IL36B: variants seen among roughly 807,000 people sequenced by gnomAD.
IL36B encodes the protein interleukin-36 beta.
IL36B carries 23 observed loss-of-function variants against 19.3 expected under a neutral mutation model. The ratio of observed to expected loss-of-function variants is 1.19; its 90% CI spans 0.86 to 1.69. The LOEUF is 1.69. IL36B is among the 40% of genes most tolerant of loss of function. IL36B has a pLI of 0.00. For missense variants in IL36B, 217 were observed against 200.5 expected (o/e 1.08, Z -0.50); for synonymous variants, 59 against 59.7 (o/e 0.99, Z 0.05).
At chr2:113,047,395 T>TGGATTTTGAAAGATTTC (rs1409269895) in intron 1 of IL36B, among the ~76,000 whole-genome samples, 1 of 152,058 alleles carries the variant, frequency 6.6e-6, no homozygotes, top group Non-Finnish European at 1.5e-5. Context: ...CAAAAAGTTT[T>TGGATTTTGAAAGATTTC]GGATTTTGAA....
intron 4 of IL36B, chr2:113,027,496 T>C: frequency 9.8e-7 from 1 of 1,025,286 alleles, no homozygotes; most frequent in Non-Finnish European, 1.2e-6. Context: ...GCTTTATCTT[T>C]GGGGCACATA....
At chr2:113,043,453 T>A (rs546257184) in intron 1 of IL36B, among the ~76,000 whole-genome samples, 1 of 152,372 alleles carries the variant, frequency 6.6e-6, no homozygotes, top group Admixed American at 6.5e-5. Context: ...TATTTTTCCA[T>A]ATGCTGCAAG....
At chr2:113,028,188 G>T in intron 4 of IL36B, 73 bp from the exon 5 acceptor site, 1 of 1,218,818 alleles carries the variant, frequency 8.2e-7, no homozygotes, top group Non-Finnish European at 1.2e-6. Flanking sequence ...CTCTGAGTGT[G>T]TAACAGGAGA....
At chr2:113,028,787 A>G in intron 4 of IL36B, 152 bp downstream of exon 4, 1 of 676,066 alleles carries the variant, frequency 1.5e-6, no homozygotes, top group Non-Finnish European at 2.3e-6. Context: ...CAAAGGCAGC[A>G]TTTATAGATT....
At chr2:113,047,633 G>T (rs2105057723) in intron 1 of IL36B, among the ~76,000 whole-genome samples, 1 of 152,302 alleles carries the variant, frequency 6.6e-6, no homozygotes, top group South Asian at 2.1e-4. Context: ...CCTTGGGAAT[G>T]ATAAGGTTTT....
intron 1 of IL36B, among the ~76,000 whole-genome samples, chr2:113,040,640 A>G (rs931462500): frequency 3.3e-5 from 5 of 152,250 alleles, no homozygotes; most frequent in Non-Finnish European, 7.3e-5. Context: ...CCATTTACAT[A>G]GCATCAAAAA....
In IL36B at chr2:113,022,438, A is replaced by G. The variant is rs1049713249; in HGVS notation, c.*236T>C. The stretch of plus-strand genomic sequence containing the variant: ...TTTTAAAAAACACTCTAAGGACTGG[A>G]CAAAACACATTTACAGGTTATGTAG... On this transcript the variant is annotated 3_prime_UTR_variant, in exon 6 of 6. Coordinates refer to ENST00000259213, the MANE Select transcript of IL36B (RefSeq NM_014438.5). 2.7e-6 allele frequency: 1 copy of G among 368,938 alleles called. No individual in the cohort carries two copies. The highest frequency in any genetic ancestry group is 3.7e-5 in the South Asian group (1 of 27,238). 22.9% of individuals were successfully genotyped at this position (368,938 alleles called of 1,614,324 possible).
At chr2:113,031,996 G>A (rs962483370) in intron 1 of IL36B, among the ~76,000 whole-genome samples, 1 of 152,132 alleles carries the variant, frequency 6.6e-6, no homozygotes, top group Non-Finnish European at 1.5e-5. Context: ...TCTCTAGGCT[G>A]TGATGGTCTT....
chr2:113,042,223 C>T (rs533375316), intron 1 of IL36B, among the ~76,000 whole-genome samples: 5 of 152,240 alleles, frequency 3.3e-5, no homozygotes, highest in African/African-American at 7.2e-5. Flanking sequence ...CTTGCCTTTC[C>T]GAGCTTCTCA....
intron 5 of IL36B, chr2:113,026,069 A>C: frequency 1.2e-6 from 2 of 1,608,394 alleles, no homozygotes; most frequent in Non-Finnish European, 1.7e-6. Context: ...AGAATTGTCC[A>C]CCTGTGGGAT....
In IL36B at chr2:113,026,241, G is replaced by A. The variant is rs1233793022; in HGVS notation, c.262-9C>T. The A allele has an allele frequency of 6.2e-6, 10 of 1,613,498 alleles. No homozygotes were observed. Among genetic ancestry groups the A allele is most frequent in the Middle Eastern group, 1.7e-4 (1 of 6,056 alleles). On this transcript the variant is annotated splice_polypyrimidine_tract_variant and intron_variant, in intron 4 of 5. Coordinates refer to ENST00000259213, the MANE Select transcript of IL36B (RefSeq NM_014438.5). Reference sequence around the variant, plus strand: ...TCTTGGGAGCCCTGAAGCTGGAAGAGAGAAATGTTCAATGTTGCTGAGATA... The same window carrying A: ...TCTTGGGAGCCCTGAAGCTGGAAGAAAGAAATGTTCAATGTTGCTGAGATA...
At chr2:113,043,823 G>A (rs1046216462) in intron 1 of IL36B, among the ~76,000 whole-genome samples, 4 of 152,166 alleles carry the variant, frequency 2.6e-5, no homozygotes, top group Non-Finnish European at 1.5e-5. Flanking sequence ...CAAAGTGCTG[G>A]AATTACAGGT....
Position 113,022,242 on chromosome 2 carries a change from C to T in IL36B, c.*432G>A, listed in dbSNP as rs910161544. ...CCTCATGCTCTAGTGAATAATTGCA[C>T]ATTATGTAAATAATTTTGAATAATT... On this transcript the variant is annotated 3_prime_UTR_variant, in exon 6 of 6. Coordinates refer to ENST00000259213, the MANE Select transcript of IL36B (RefSeq NM_014438.5). 6.5e-6 allele frequency: 1 copy of T among 154,220 alleles called. No homozygotes were observed. Among genetic ancestry groups the T allele is most frequent in the Non-Finnish European group, 1.4e-5 (1 of 69,534 alleles). 9.6% of individuals were successfully genotyped at this position (154,220 alleles called of 1,614,324 possible).
At chr2:113,046,422 T>G (rs13386044) in intron 1 of IL36B, among the ~76,000 whole-genome samples, 11,413 of 152,074 alleles carry the variant, frequency 0.075, 920 homozygotes, top group African/African-American at 0.21. Flanking sequence ...TGTTAGCCAG[T>G]ATGGTCTCGA....
At chr2:113,036,738 G>A (rs972659475) in intron 1 of IL36B, among the ~76,000 whole-genome samples, 4 of 150,560 alleles carry the variant, frequency 2.7e-5, no homozygotes, top group Admixed American at 6.6e-5. Context: ...TGCCCAGAGC[G>A]CCTTATCCTG....
intron 2 of IL36B, among the ~76,000 whole-genome samples, 155 bp downstream of exon 2, chr2:113,031,542 G>A (rs916889886): frequency 6.6e-6 from 1 of 152,098 alleles, no homozygotes; most frequent in Non-Finnish European, 1.5e-5. Flanking sequence ...AGAGCTAGGT[G>A]CCCCGAGATT....
At chr2:113,046,557 G>A (rs1685355605) in intron 1 of IL36B, among the ~76,000 whole-genome samples, 1 of 152,018 alleles carries the variant, frequency 6.6e-6, no homozygotes, top group South Asian at 2.1e-4. Flanking sequence ...TTCCATCAAA[G>A]ATAAGACTTT....
intron 1 of IL36B, among the ~76,000 whole-genome samples, chr2:113,043,379 C>G (rs1685294332): frequency 6.6e-6 from 1 of 152,094 alleles, no homozygotes; most frequent in Non-Finnish European, 1.5e-5. Flanking sequence ...AAGGTTTCTT[C>G]TATGTTTAAT....
intron 1 of IL36B, among the ~76,000 whole-genome samples, chr2:113,039,700 T>A (rs1685222074): frequency 6.6e-6 from 1 of 152,188 alleles, no homozygotes; most frequent in African/African-American, 2.4e-5. Context: ...ATGGTAGGAA[T>A]AAATCCACAT....
Sources: allele counts gnomAD v4.1 joint callset (sites outside exome capture counted in the v4.1 genomes callset), GRCh38; gene constraint gnomAD v4.1.1; transcripts MANE v1.5; gene names NCBI Gene and HGNC (gene_info 2026-07-23, HGNC 2026-07-21).